Variants in CLEC7A observed in about 807,000 individuals in gnomAD.
CLEC7A encodes the protein C-type lectin domain containing 7A, also known as C-type lectin domain family 7 member A.
Under a neutral mutation model 26.9 loss-of-function variants are expected in CLEC7A, and 25 were observed. The ratio of observed to expected loss-of-function variants is 0.93; its 90% confidence interval spans 0.68 to 1.30. The LOEUF (loss-of-function observed/expected upper bound fraction) is 1.30, where lower values mean the gene tolerates loss of function less well. CLEC7A is among the 50% of genes most tolerant of loss of function. The probability of loss-of-function intolerance (pLI) is 0.00; values close to 1 mark genes in which losing one functional copy is unlikely to be tolerated. For missense variants in CLEC7A, 275 were observed against 286.7 expected (o/e 0.96, Z 0.29); for synonymous variants, 100 against 99.5 (o/e 1.01, Z -0.03).
At chr12:10,126,180 C>G in intron 3 of CLEC7A, 1 of 984,608 alleles carries the variant, frequency 1.0e-6, no homozygotes. Context: ...CCCTGTCATT[C>G]TTCCTTTCTA....
At chr12:10,118,836 A>G (rs1230058461) in intron 5 of CLEC7A, among the ~76,000 whole-genome samples, 1 of 152,192 alleles carries the variant, frequency 6.6e-6, no homozygotes, top group African/African-American at 2.4e-5. Context: ...AAACTAAAAA[A>G]AAAGTTCCTG....
intron 4 of CLEC7A, 194 bp downstream of exon 4, chr12:10,125,103 G>A: frequency 1.5e-6 from 1 of 661,900 alleles, no homozygotes; most frequent in East Asian, 2.9e-5. Flanking sequence ...AGGAAGCTGA[G>A]GTGGGAGGAT....
At chr12:10,119,587 G>T (rs1379421393) in intron 5 of CLEC7A, among the ~76,000 whole-genome samples, 1 of 152,076 alleles carries the variant, frequency 6.6e-6, no homozygotes, top group Non-Finnish European at 1.5e-5. Context: ...AGTACTATAA[G>T]AAAGTAGAAA....
chr12:10,121,445 A>C (rs1361672616), intron 5 of CLEC7A, among the ~76,000 whole-genome samples: 2 of 152,138 alleles, frequency 1.3e-5, no homozygotes, highest in African/African-American at 4.8e-5. Flanking sequence ...ATTTCAACAC[A>C]ATTCTTTTCA....
rs73256668 is a variant in CLEC7A at position 10,126,214 on chromosome 12, G to T, written c.340+357C>A. On this transcript the variant is annotated intron_variant, in intron 3 of 5. Transcript: ENST00000304084. ...TAATGTCATATTTCCTATTCTAACT[G>T]TATCGCATTTAAAATGTCAATTCTG... is the stretch of plus-strand genomic sequence containing the variant. The T allele has an allele frequency of 4.8e-3, 4,710 of 982,994 alleles. 175 individuals carry two copies. The African/African-American group carries it at 0.077, about 16-fold the overall frequency. The allele number at this position is 982,994 out of a possible 1,614,324, so 60.9% of individuals were successfully genotyped here.
chr12:10,124,195 G>C (rs1045185979), intron 4 of CLEC7A, among the ~76,000 whole-genome samples: 1 of 152,192 alleles, frequency 6.6e-6, no homozygotes, highest in Non-Finnish European at 1.5e-5. Flanking sequence ...TGGCCTAAAA[G>C]TCAGATAGAC....
At chr12:10,126,743 A>G in intron 2 of CLEC7A, 35 bp from the exon 3 acceptor site, 1 of 1,542,708 alleles carries the variant, frequency 6.5e-7, no homozygotes, top group Non-Finnish European at 8.9e-7. Flanking sequence ...GTGACAGAAA[A>G]AATGTCATTC....
intron 5 of CLEC7A, among the ~76,000 whole-genome samples, chr12:10,121,826 G>A (rs1948095026): frequency 6.6e-6 from 1 of 152,062 alleles, no homozygotes; most frequent in African/African-American, 2.4e-5. Flanking sequence ...GGCTAACACG[G>A]TGAAACCCCG....
intron 3 of CLEC7A, 124 bp from the exon 4 acceptor site, chr12:10,125,572 G>T: frequency 1.4e-6 from 1 of 695,650 alleles, no homozygotes; most frequent in East Asian, 3.0e-5. Flanking sequence ...ATATTTCATT[G>T]TCAATTCGAA....
chr12:10,120,459 A>G (rs1948042547), intron 5 of CLEC7A, among the ~76,000 whole-genome samples: 1 of 152,256 alleles, frequency 6.6e-6, no homozygotes, highest in Admixed American at 6.5e-5. Context: ...TATCAGTCTT[A>G]AGAAAAAATA....
intron 2 of CLEC7A, 54 bp downstream of exon 2, chr12:10,127,693 A>G: frequency 1.6e-6 from 2 of 1,241,728 alleles, no homozygotes; most frequent in South Asian, 1.3e-5. Flanking sequence ...TGCCTGGCAC[A>G]TAATAATTGC....
chr12:10,126,748 T>A (rs1948300414), intron 2 of CLEC7A, 40 bp from the exon 3 acceptor site: 2 of 1,529,900 alleles, frequency 1.3e-6, no homozygotes, highest in Non-Finnish European at 1.8e-6. Flanking sequence ...AGAAAAAATG[T>A]CATTCTGCTG....
chr12:10,122,484 C>CTTTTTTT lies in CLEC7A; in HGVS notation c.611+754_611+760dup, dbSNP rs143612827. On this transcript the variant is annotated intron_variant, in intron 5 of 5. Coordinates refer to ENST00000304084, the MANE Select transcript of CLEC7A (RefSeq NM_197947.3). ...AGAGGAAAGCACTCTTTCTTTTTTT[C>CTTTTTTT]TTTTTTTTTTTTTTTTTTTTTGAGT... 7.2e-4 allele frequency among the ~76,000 whole-genome samples: 93 copies of CTTTTTTT among 128,762 alleles called. 1 individual carries two copies. Among genetic ancestry groups the CTTTTTTT allele is most frequent in the African/African-American group, 2.2e-3 (71 of 31,862 alleles). 84.5% of individuals were successfully genotyped at this position (128,762 alleles called of 152,430 possible). A position where few individuals can be genotyped will look rare whatever the true frequency, so the allele number is the denominator to read the frequency against.
At chr12:10,123,433 C>T (rs1948164805) in intron 4 of CLEC7A, 70 bp from the exon 5 acceptor site, 6 of 997,276 alleles carry the variant, frequency 6.0e-6, no homozygotes, top group East Asian at 2.5e-5. Flanking sequence ...TTATCATGGA[C>T]GCTGAGAAAA....
At position 10,124,474 on chromosome 12, in the gene CLEC7A, A is replaced by G. The variant is rs74865906; in HGVS notation, c.492+823T>C. 9.6e-3 allele frequency among the ~76,000 whole-genome samples: 1,452 copies of G among 151,970 alleles called. 31 individuals carry two copies. The highest frequency in any genetic ancestry group is 0.033 in the African/African-American group (1,367 of 41,434). On this transcript the variant is annotated intron_variant, in intron 4 of 5. Transcript: ENST00000304084. ...CTTAGGAACACGGGGATCTCTTTAA[A>G]CTCCTATAGAATTTATTGCTAATGC...
In CLEC7A at chr12:10,126,969, G is replaced by A. The variant is rs192747965; in HGVS notation, c.203-261C>T. 2.0e-5 allele frequency: 22 copies of A among 1,101,738 alleles called. 2 individuals are homozygous for A. In the African/African-American group the frequency reaches 2.9e-4, roughly 14 times the overall value. The allele number at this position is 1,101,738 out of a possible 1,614,324, so 68.2% of individuals were successfully genotyped here. ...GTGGAGAAGAAGAAATAGAATGAGG[G>A]AGGCAGCAAGAGGCAAATGTCATAG... On this transcript the variant is annotated intron_variant, in intron 2 of 5. Coordinates refer to ENST00000304084, the MANE Select transcript of CLEC7A (RefSeq NM_197947.3).
At chr12:10,122,146 G>A (rs1478876936) in intron 5 of CLEC7A, among the ~76,000 whole-genome samples, 1 of 152,028 alleles carries the variant, frequency 6.6e-6, no homozygotes, top group Non-Finnish European at 1.5e-5. Flanking sequence ...CAAATTGAAC[G>A]GTACTCCTAC....
In CLEC7A at chr12:10,123,295, C is replaced by G. The variant is rs747943115; in HGVS notation, c.561G>C (p.Gln187His). ...NSFWIGLSRPQTEVPWLWEDG... is the reference protein window; with the variant it reads ...NSFWIGLSRPHTEVPWLWEDG... ...CCTCCCAGAGCCATGGTACCTCAGT[C>G]TGGGGCCGAGAAAGGCCTATCCAAA... Residue 187 changes from glutamine (Q) to histidine (H), a missense_variant, in exon 5 of 6, where the codon CAG becomes CAC. Transcript: ENST00000304084. 1.9e-5 allele frequency: 31 copies of G among 1,613,652 alleles called. No homozygotes were observed. In the South Asian group the frequency reaches 3.0e-4, roughly 15 times the overall value.
At chr12:10,121,430 G>A (rs11053603) in intron 5 of CLEC7A, among the ~76,000 whole-genome samples, 20,119 of 152,108 alleles carry the variant, frequency 0.13, 1,783 homozygotes, top group African/African-American at 0.26. Flanking sequence ...GAATCGCAGC[G>A]GAAGATTTCA....
Sources: gnomAD v4.1 joint callset for allele counts (sites outside exome capture counted in the v4.1 genomes callset) on GRCh38, gnomAD v4.1.1 for gene constraint, MANE v1.5 for transcripts, NCBI Gene and HGNC (gene_info 2026-07-23, HGNC 2026-07-21) for gene names.